Variants in ZNF362 observed in about 807,000 individuals in gnomAD.
ZNF362 encodes rotund homolog.
In ZNF362, 11 loss-of-function variants were observed where a neutral mutation model predicts 42.9. The observed-to-expected ratio is 0.26, with a 90% CI of 0.16 to 0.42. The LOEUF (loss-of-function observed/expected upper bound fraction) is 0.42, where lower values mean the gene tolerates loss of function less well. Among genes scored for constraint, ZNF362 ranks in the 20% least tolerant of loss-of-function variants. The pLI, the probability that ZNF362 is intolerant of heterozygous loss-of-function variation, is 1.00. For synonymous variants in ZNF362, 255 were observed against 257.3 expected, an observed-to-expected ratio of 0.99 and a Z score of 0.09; for missense variants, 362 against 576.2, an observed-to-expected ratio of 0.63 and a Z score of 3.81.
At chr1:33,180,780 C>G in the ZNF362 span, among the ~76,000 whole-genome samples, 1 of 151,884 alleles carries the variant, frequency 6.6e-6, no homozygotes, top group African/African-American at 2.4e-5. Flanking sequence ...GCCGGTACTC[C>G]AGGTCTGTCT....
At chr1:33,193,574 C>A in the ZNF362 span, among the ~76,000 whole-genome samples, 1 of 152,126 alleles carries the variant, frequency 6.6e-6, no homozygotes, top group Admixed American at 6.5e-5. Context: ...AAAGTAAATG[C>A]AGAGACGGGA....
the ZNF362 span, among the ~76,000 whole-genome samples, chr1:33,144,574 C>T: frequency 6.6e-6 from 1 of 152,266 alleles, no homozygotes; most frequent in African/African-American, 2.4e-5. Context: ...CTGCTGGGCT[C>T]TAGGCCTGTC....
intron 2 of ZNF362, among the ~76,000 whole-genome samples, chr1:33,270,818 C>A (rs528952406): frequency 2.6e-5 from 4 of 152,252 alleles, no homozygotes; most frequent in Non-Finnish European, 5.9e-5. Context: ...CTGCTGGGTC[C>A]CCATCAGTCC....
At chr1:33,254,021 A>G (rs1334284881), upstream of ZNF362, among the ~76,000 whole-genome samples, 3 of 152,104 alleles carry the variant, frequency 2.0e-5, no homozygotes, top group Middle Eastern at 3.2e-3. Flanking sequence ...ACGATTTGTT[A>G]TAATTCTTGG....
At chr1:33,183,949 T>A in the ZNF362 span, among the ~76,000 whole-genome samples, 1 of 150,560 alleles carries the variant, frequency 6.6e-6, no homozygotes, top group African/African-American at 2.5e-5. Context: ...ACCCAGAGAA[T>A]CCCAACTGAT....
chr1:33,219,434 C>T, the ZNF362 span, among the ~76,000 whole-genome samples: 1 of 152,216 alleles, frequency 6.6e-6, no homozygotes, highest in Admixed American at 6.5e-5. Context: ...AAGAAAGATT[C>T]ACTGGGTAGT....
At chr1:33,202,026 A>G in the ZNF362 span, among the ~76,000 whole-genome samples, 1 of 152,256 alleles carries the variant, frequency 6.6e-6, no homozygotes, top group Non-Finnish European at 1.5e-5. Flanking sequence ...GATGAAATGG[A>G]CAAATTCCTC....
At chr1:33,229,820 C>G in the ZNF362 span, among the ~76,000 whole-genome samples, 1 of 152,080 alleles carries the variant, frequency 6.6e-6, no homozygotes, top group Admixed American at 6.6e-5. Flanking sequence ...GTCTAGTAAC[C>G]CGCGTCCCTC....
chr1:33,194,343 C>T, the ZNF362 span, among the ~76,000 whole-genome samples: 2 of 151,924 alleles, frequency 1.3e-5, no homozygotes, highest in Non-Finnish European at 2.9e-5. Flanking sequence ...GGAGACCAGC[C>T]TGGGCAAAAT....
chr1:33,246,422 C>T, the ZNF362 span, among the ~76,000 whole-genome samples: 1 of 152,202 alleles, frequency 6.6e-6, no homozygotes, highest in Non-Finnish European at 1.5e-5. Flanking sequence ...ACCAGGAACA[C>T]TCCCAAAGAA....
the ZNF362 span, among the ~76,000 whole-genome samples, chr1:33,211,173 T>A: frequency 6.6e-6 from 1 of 152,176 alleles, no homozygotes; most frequent in Non-Finnish European, 1.5e-5. Context: ...GACCTTGTGA[T>A]CTGCCCTCGC....
chr1:33,179,889 A>G, the ZNF362 span, among the ~76,000 whole-genome samples: 1 of 151,592 alleles, frequency 6.6e-6, no homozygotes. Flanking sequence ...TAATATGCAA[A>G]TGCACACTGA....
At chr1:33,157,404 G>A in the ZNF362 span, among the ~76,000 whole-genome samples, 2 of 151,998 alleles carry the variant, frequency 1.3e-5, no homozygotes, top group African/African-American at 2.4e-5. Context: ...TTCAGCCCTT[G>A]ACTCTAATGC....
chr1:33,275,885 G>A (rs534621486), intron 2 of ZNF362, among the ~76,000 whole-genome samples: 83 of 152,242 alleles, frequency 5.5e-4, no homozygotes, highest in African/African-American at 1.9e-3. Flanking sequence ...CCCACTAAGG[G>A]GGGGTGGTGG....
At chr1:33,132,047 A>G in the ZNF362 span, among the ~76,000 whole-genome samples, 1 of 152,184 alleles carries the variant, frequency 6.6e-6, no homozygotes, top group African/African-American at 2.4e-5. Flanking sequence ...CATTAATGTG[A>G]CCGGGCTCCA....
chr1:33,209,534 CTG>C, the ZNF362 span, among the ~76,000 whole-genome samples: 2 of 152,174 alleles, frequency 1.3e-5, no homozygotes, highest in African/African-American at 4.8e-5. Flanking sequence ...TAGAATTCGG[CTG>C]TGACTCCGTC....
chr1:33,215,731 C>T, the ZNF362 span, among the ~76,000 whole-genome samples: 1 of 152,122 alleles, frequency 6.6e-6, no homozygotes, highest in African/African-American at 2.4e-5. Flanking sequence ...AGTTCACAGT[C>T]ACATTCAGAG....
At chr1:33,157,034 C>A in the ZNF362 span, among the ~76,000 whole-genome samples, 12 of 150,076 alleles carry the variant, frequency 8.0e-5, no homozygotes, top group African/African-American at 9.8e-5. Flanking sequence ...TCCTTCACCC[C>A]CTTCGGTCTA....
the ZNF362 span, chr1:33,165,450 C>G: frequency 6.4e-7 from 1 of 1,567,428 alleles, no homozygotes; most frequent in Non-Finnish European, 8.7e-7. This position sits in a 1 kb window ranked among gnomAD's most constrained non-coding sequence, Gnocchi z 4.0. Flanking sequence ...GGCCCCACCT[C>G]CGCGCCCCGG....
Sources: allele counts gnomAD v4.1 joint callset (sites outside exome capture counted in the v4.1 genomes callset), GRCh38; gene constraint gnomAD v4.1.1; non-coding constraint Gnocchi (gnomAD v3.1); transcripts MANE v1.5; gene names NCBI Gene and HGNC (gene_info 2026-07-23, HGNC 2026-07-21).